PTH1R: variants seen among roughly 807,000 people sequenced by gnomAD.
PTH1R encodes the protein parathyroid hormone 1 receptor, also known as parathyroid hormone/parathyroid hormone-related peptide receptor.
Under a neutral mutation model 70.7 loss-of-function variants are expected in PTH1R, and 32 were observed. The ratio of observed to expected loss-of-function variants is 0.45; its 90% CI spans 0.34 to 0.61. PTH1R has a LOEUF of 0.61. Ranked by LOEUF, PTH1R falls within the 20% of genes least tolerant of loss-of-function variation. The pLI, the probability that PTH1R is intolerant of heterozygous loss-of-function variation, is 0.01. For missense variants in PTH1R, 626 were observed against 792.5 expected, an observed-to-expected ratio of 0.79 and a Z score of 2.52; for synonymous variants, 329 against 324.8, an observed-to-expected ratio of 1.01 and a Z score of -0.14.
In PTH1R at chr3:46,901,716, C is replaced by T. The variant is rs1380532515; in HGVS notation, c.1117-50C>T. ...TATGGCCGTGGCTGCCAGGCCTTGC[C>T]CCGCCCCACTAGGGTGCAGCCTCCA... On this transcript the variant is annotated intron_variant, in intron 12 of 15. Coordinates refer to ENST00000449590, the MANE Select transcript of PTH1R (RefSeq NM_000316.3). The surrounding 1 kb of genome is among the most constrained non-coding windows in gnomAD (Gnocchi z 7.3). 1.9e-6 allele frequency: 3 copies of T among 1,573,640 alleles called. No homozygotes were observed. Among genetic ancestry groups the T allele is most frequent in the Admixed American group, 1.7e-5 (1 of 59,920 alleles).
At position 46,883,816 on chromosome 3, in the gene PTH1R, T is replaced by C. The variant is rs978949570; in HGVS notation, c.75+182T>C. The stretch of plus-strand genomic sequence containing the variant: ...GGATGTCTGGACTGTGGGTTCCAGC[T>C]GCCTGAAGCCTCCCTATTTCTGAAG... On this transcript the variant is annotated intron_variant, in intron 3 of 15. Transcript: ENST00000449590. This position sits in a 1 kb window ranked among gnomAD's most constrained non-coding sequence, Gnocchi z 6.4. Among the ~76,000 whole-genome samples, 9 of 152,214 alleles carry C rather than the reference T, an allele frequency of 5.9e-5. No homozygotes were observed. Among genetic ancestry groups the C allele is most frequent in the Non-Finnish European group, 1.0e-4 (7 of 68,040 alleles).
chr3:46,890,628 G>A (rs1040504706), intron 3 of PTH1R, among the ~76,000 whole-genome samples: 2 of 149,490 alleles, frequency 1.3e-5, no homozygotes, highest in Non-Finnish European at 3.0e-5. Context: ...TCGGCCTCCC[G>A]AGTAGCTGGG....
Position 46,902,938 on chromosome 3 carries a change from T to C in PTH1R, c.1395+148T>C, listed in dbSNP as rs2032220750. 8.1e-7 allele frequency: 1 copy of C among 1,236,798 alleles called. No individual in the cohort carries two copies. The highest frequency in any genetic ancestry group is 1.5e-5 in the African/African-American group (1 of 67,370). The allele number at this position is 1,236,798 out of a possible 1,614,324, so 76.6% of individuals were successfully genotyped here. A position where few individuals can be genotyped will look rare whatever the true frequency, so the allele number is the denominator to read the frequency against. On this transcript the variant is annotated intron_variant, in intron 15 of 15. Transcript: ENST00000449590. The surrounding 1 kb of genome is among the most constrained non-coding windows in gnomAD (Gnocchi z 5.4). ...GACATTCTGAAAGCAGAGAAGTCTT[T>C]CCAGATGATGCAGGTTCAGGATGTG...
At position 46,893,114 on chromosome 3, in the gene PTH1R, G is replaced by C. The variant is rs147417029; in HGVS notation, c.76-793G>C. On this transcript the variant is annotated intron_variant, in intron 3 of 15. Coordinates refer to ENST00000449590, the MANE Select transcript of PTH1R (RefSeq NM_000316.3). This position sits in a 1 kb window ranked among gnomAD's most constrained non-coding sequence, Gnocchi z 5.2. ...ATAATGAGGCCAGTGAGTCCCGGTGGGTGGCAGCCAGGGCCCAGGGTGTGC... is the reference window on the plus strand; with the variant it reads ...ATAATGAGGCCAGTGAGTCCCGGTGCGTGGCAGCCAGGGCCCAGGGTGTGC... 2.6e-3 allele frequency among the ~76,000 whole-genome samples: 392 copies of C among 152,282 alleles called. No homozygotes were observed. Among genetic ancestry groups the C allele is most frequent in the Non-Finnish European group, 3.8e-3 (257 of 68,010 alleles).
Position 46,882,737 on chromosome 3 carries a change from C to T in PTH1R, c.-48-775C>T, listed in dbSNP as rs1307283555. On this transcript the variant is annotated intron_variant, in intron 2 of 15. Transcript: ENST00000449590. This position sits in a 1 kb window ranked among gnomAD's most constrained non-coding sequence, Gnocchi z 4.3. ...CCGCTGGAAGAACTGAGGCCAAGGC[C>T]GGGGGAGCTAGAGACGGACTGACAG... is the stretch of plus-strand genomic sequence containing the variant. Among the ~76,000 whole-genome samples the T allele has an allele frequency of 2.0e-5, 3 of 152,020 alleles. No homozygotes were observed. Among genetic ancestry groups the T allele is most frequent in the African/African-American group, 7.3e-5 (3 of 41,376 alleles).
In PTH1R at chr3:46,902,516, G is replaced by A. The variant is rs202090342; in HGVS notation, c.1212-10G>A. On this transcript the variant is annotated splice_polypyrimidine_tract_variant and intron_variant, in intron 13 of 15. Coordinates refer to ENST00000449590, the MANE Select transcript of PTH1R (RefSeq NM_000316.3). This position sits in a 1 kb window ranked among gnomAD's most constrained non-coding sequence, Gnocchi z 5.4. Reference sequence around the variant, plus strand: ...GGCTTGGCCCTGACCTACCTGCCCCGCTGGCCCAGGAAGCTGCTCAAATCC... The same window carrying A: ...GGCTTGGCCCTGACCTACCTGCCCCACTGGCCCAGGAAGCTGCTCAAATCC... The A allele has an allele frequency of 1.2e-5, 19 of 1,608,928 alleles. No homozygotes were observed. Among genetic ancestry groups the A allele is most frequent in the Middle Eastern group, 2.1e-4 (1 of 4,712 alleles).
chr3:46,899,005 C>T (rs2031948185), intron 9 of PTH1R, 148 bp downstream of exon 9: 2 of 719,496 alleles, frequency 2.8e-6, no homozygotes, highest in African/African-American at 1.8e-5. Flanking sequence ...TAGGGTCCCT[C>T]GCAACCCTCA....
intron 10 of PTH1R, among the ~76,000 whole-genome samples, chr3:46,899,994 C>T (rs1160298190): frequency 6.6e-6 from 1 of 152,232 alleles, no homozygotes; most frequent in African/African-American, 2.4e-5. Flanking sequence ...GCTGGAGCTG[C>T]GCACTCCTCC....
rs1460434811 is a variant in PTH1R at position 46,889,886 on chromosome 3, C to G, written c.76-4021C>G. Among the ~76,000 whole-genome samples the G allele has an allele frequency of 2.0e-5, 3 of 152,100 alleles. No individual in the cohort carries two copies. The East Asian group carries it at 5.8e-4, about 29-fold the overall frequency. On this transcript the variant is annotated intron_variant, in intron 3 of 15. Coordinates refer to ENST00000449590, the MANE Select transcript of PTH1R (RefSeq NM_000316.3). ...GGACGCAAGCCTGAGTCCTCTGCACCCTGGCGCTGAGCCAAGAAGACAGGA... is the reference window on the plus strand; with the variant it reads ...GGACGCAAGCCTGAGTCCTCTGCACGCTGGCGCTGAGCCAAGAAGACAGGA...
rs954466379 is a variant in PTH1R at position 46,899,171 on chromosome 3, A to G, written c.835-132A>G. 7 of 1,250,482 alleles carry G rather than the reference A, an allele frequency of 5.6e-6. No individual in the cohort carries two copies. The East Asian group carries it at 1.2e-4, about 22-fold the overall frequency. 77.5% of individuals were successfully genotyped at this position (1,250,482 alleles called of 1,614,324 possible). Reference sequence around the variant, plus strand: ...CGCATCCCCCTGAGAGAGCCCCCCAAACGAAGCCTGCCCCTTCCTGGCCTG... The same window carrying G: ...CGCATCCCCCTGAGAGAGCCCCCCAGACGAAGCCTGCCCCTTCCTGGCCTG... On this transcript the variant is annotated intron_variant, in intron 9 of 15. Coordinates refer to ENST00000449590, the MANE Select transcript of PTH1R (RefSeq NM_000316.3).
rs149462821 is a variant in PTH1R at position 46,892,126 on chromosome 3, A to G, written c.76-1781A>G. Among the ~76,000 whole-genome samples the G allele has an allele frequency of 6.6e-6, 1 of 152,120 alleles. No individual in the cohort carries two copies. Among genetic ancestry groups the G allele is most frequent in the Admixed American group, 6.5e-5 (1 of 15,280 alleles). On this transcript the variant is annotated intron_variant, in intron 3 of 15. Transcript: ENST00000449590. This position sits in a 1 kb window ranked among gnomAD's most constrained non-coding sequence, Gnocchi z 5.2. ...CAGCCAGCTCAGCCATAGCTGGGGAAGCAAAGAGACTAGGATAGAGGAGCT... is the reference window on the plus strand; with the variant it reads ...CAGCCAGCTCAGCCATAGCTGGGGAGGCAAAGAGACTAGGATAGAGGAGCT...
chr3:46,880,672 A>C (rs1221676252), intron 1 of PTH1R, among the ~76,000 whole-genome samples: 4 of 152,202 alleles, frequency 2.6e-5, no homozygotes. Context: ...GGTTGCAGTG[A>C]GCAGAGATCA....
chr3:46,886,853 G>A (rs2031069349), intron 3 of PTH1R, among the ~76,000 whole-genome samples: 1 of 152,188 alleles, frequency 6.6e-6, no homozygotes, highest in Non-Finnish European at 1.5e-5. Context: ...TTAGACCTTT[G>A]CACTGAATTC....
rs542847778 is a variant in PTH1R, at chr3:46,882,415, G to A, written c.-48-1097G>A. 4.0e-5 allele frequency: 6 copies of A among 151,608 alleles called. No homozygotes were observed. In the East Asian group the frequency reaches 1.2e-3, roughly 30 times the overall value. 9.4% of individuals were successfully genotyped at this position (151,608 alleles called of 1,614,324 possible). A position where few individuals can be genotyped will look rare whatever the true frequency, so the allele number is the denominator to read the frequency against. On this transcript the variant is annotated intron_variant, in intron 2 of 15. Coordinates refer to ENST00000449590, the MANE Select transcript of PTH1R (RefSeq NM_000316.3). The surrounding 1 kb of genome is among the most constrained non-coding windows in gnomAD (Gnocchi z 4.3). ...GGCGCTGGCTTGGGGAGGCTGTCGG[G>A]GGGGCCCCGACATCCATGGCAAGGC...
Position 46,883,087 on chromosome 3 carries a change from C to T in PTH1R, c.-48-425C>T, listed in dbSNP as rs2030730932. Among the ~76,000 whole-genome samples, 1 of 151,658 alleles carries T rather than the reference C, an allele frequency of 6.6e-6. No individual in the cohort carries two copies. The highest frequency in any genetic ancestry group is 1.5e-5 in the Non-Finnish European group (1 of 67,792). ...CAGACCGCGACCCCGACCCCTCCCC[C>T]GCCCCCTCCCCCCACTGGGCGTGGG... On this transcript the variant is annotated intron_variant, in intron 2 of 15. Coordinates refer to ENST00000449590, the MANE Select transcript of PTH1R (RefSeq NM_000316.3). The surrounding 1 kb of genome is among the most constrained non-coding windows in gnomAD (Gnocchi z 6.4).
At chr3:46,897,767 A>C in intron 5 of PTH1R, 88 bp from the exon 6 acceptor site, 2 of 1,216,376 alleles carry the variant, frequency 1.6e-6, no homozygotes, top group Non-Finnish European at 2.4e-6. Flanking sequence ...AAAACAAACA[A>C]ACCACAGATG....
Position 46,899,408 on chromosome 3 carries a change from T to G in PTH1R, c.940T>G (p.Phe314Val), listed in dbSNP as rs747701028. The change falls in exon 10 of 16, where the codon TTC becomes GTC. Residue 314 changes from phenylalanine to valine, a missense_variant. Phe to Val is a conservative substitution (Grantham distance 50, BLOSUM62 -1). Transcript: ENST00000449590. ...CCTGCACAGCCTCATCTTCATGGCC[T>G]TCTTCTCAGAGAAGAAGTACCTGTG... ...LYLHSLIFMA[F>V]FSEKKYLWGF... is the part of the protein sequence containing the mutation. The G allele has an allele frequency of 4.8e-5, 78 of 1,613,662 alleles. No individual in the cohort carries two copies. The highest frequency in any genetic ancestry group is 6.3e-5 in the Non-Finnish European group (74 of 1,180,022).
At position 46,882,461 on chromosome 3, in the gene PTH1R, C is replaced by G. The variant is rs1235563914; in HGVS notation, c.-48-1051C>G. 6.6e-6 allele frequency: 1 copy of G among 151,170 alleles called. No homozygotes were observed. Among genetic ancestry groups the G allele is most frequent in the African/African-American group, 2.4e-5 (1 of 41,104 alleles). The allele number at this position is 151,170 out of a possible 1,614,324, so 9.4% of individuals were successfully genotyped here. A position where few individuals can be genotyped will look rare whatever the true frequency, so the allele number is the denominator to read the frequency against. On this transcript the variant is annotated intron_variant, in intron 2 of 15. Coordinates refer to ENST00000449590, the MANE Select transcript of PTH1R (RefSeq NM_000316.3). This position sits in a 1 kb window ranked among gnomAD's most constrained non-coding sequence, Gnocchi z 4.3. ...AAGGCGGGGGCCGCGGCGGCGCGCT[C>G]GGAGTAAGTCGGGGCTGGGGACCCG...
chr3:46,900,723 G>A (rs1416361488), intron 10 of PTH1R, among the ~76,000 whole-genome samples: 1 of 152,174 alleles, frequency 6.6e-6, no homozygotes, highest in African/African-American at 2.4e-5. Context: ...GGAGTGGACA[G>A]GGCATGGATC....
Sources: allele counts gnomAD v4.1 joint callset (sites outside exome capture counted in the v4.1 genomes callset), GRCh38; gene constraint gnomAD v4.1.1; non-coding constraint Gnocchi (gnomAD v3.1); transcripts MANE v1.5; gene names NCBI Gene and HGNC (gene_info 2026-07-23, HGNC 2026-07-21).